Variants in SPOPL observed in about 807,000 individuals in gnomAD.
SPOPL encodes the protein speckle-type POZ protein-like.
Under a neutral mutation model 53.8 loss-of-function variants are expected in SPOPL, and 23 were observed. The observed-to-expected ratio is 0.43, with a 90% CI of 0.31 to 0.61. The LOEUF (loss-of-function observed/expected upper bound fraction) is 0.61. Ranked by LOEUF, SPOPL falls within the 20% of genes least tolerant of loss-of-function variation. The pLI is 0.12. For synonymous variants in SPOPL, 164 were observed against 149.7 expected (o/e 1.10, Z -0.70); for missense variants, 442 against 466.9 (o/e 0.95, Z 0.49).
At chr2:138,505,360 A>T (rs1684192300) in intron 1 of SPOPL, among the ~76,000 whole-genome samples, 1 of 152,148 alleles carries the variant, frequency 6.6e-6, no homozygotes, top group African/African-American at 2.4e-5. Context: ...ACTTAACAAA[A>T]GTTTATTAAC....
intron 1 of SPOPL, among the ~76,000 whole-genome samples, chr2:138,520,866 C>CACAGTTAGCA (rs1352223009): frequency 6.6e-6 from 1 of 152,130 alleles, no homozygotes; most frequent in East Asian, 1.9e-4. Flanking sequence ...GTGATGCTAA[C>CACAGTTAGCA]TGAATAAAGT....
chr2:138,567,181 G>C (rs1685678547), intron 10 of SPOPL, among the ~76,000 whole-genome samples: 1 of 152,252 alleles, frequency 6.6e-6, no homozygotes, highest in East Asian at 1.9e-4. Context: ...CGTGATGATA[G>C]GGAATATGTA....
chr2:138,551,187 C>A, intron 4 of SPOPL, 133 bp downstream of exon 4: 1 of 967,306 alleles, frequency 1.0e-6, no homozygotes, highest in Non-Finnish European at 1.5e-6. Flanking sequence ...TTAATTTGAC[C>A]ATTATTTAAA....
rs752601589 is a variant in SPOPL at position 138,569,020 on chromosome 2, A to T, written c.1119A>T (p.Ala373=). The change falls in exon 11 of 11, where the codon GCA becomes GCT. Residue 373 remains alanine, a synonymous_variant. Transcript: ENST00000280098. The stretch of plus-strand genomic sequence containing the variant: ...ATTTAGTAGCAGAAGCCTTTCGAGC[A>T]CTAGCATCTGCACAGTGTCCACAGT... The part of the protein sequence containing the change: ...HPHLVAEAFR[A]LASAQCPQFG... 12 of 1,614,100 alleles carry T rather than the reference A, an allele frequency of 7.4e-6. No individual in the cohort carries two copies. The highest frequency in any genetic ancestry group is 1.0e-5 in the Non-Finnish European group (12 of 1,179,948).
At chr2:138,568,017 A>C (rs1174185483) in intron 10 of SPOPL, among the ~76,000 whole-genome samples, 3 of 152,158 alleles carry the variant, frequency 2.0e-5, no homozygotes, top group African/African-American at 7.2e-5. Flanking sequence ...TAAGAAACCA[A>C]ACATAATATG....
chr2:138,573,479 A>G lies in SPOPL; in HGVS notation c.*4399A>G, dbSNP rs1185882630. The G allele has an allele frequency of 6.6e-6, 1 of 152,216 alleles. No homozygotes were observed. The highest frequency in any genetic ancestry group is 1.5e-5 in the Non-Finnish European group (1 of 68,028). The allele number at this position is 152,216 out of a possible 1,614,324, so 9.4% of individuals were successfully genotyped here. A position where few individuals can be genotyped will look rare whatever the true frequency, so the allele number is the denominator to read the frequency against. On this transcript the variant is annotated 3_prime_UTR_variant, in exon 11 of 11. Transcript: ENST00000280098. ...ATGACTTATTCTAATGCTACGTACC[A>G]TTAATGTAACAGAGATCACCTTTTC... is the stretch of plus-strand genomic sequence containing the variant.
At chr2:138,508,105 C>T (rs985131036) in intron 1 of SPOPL, among the ~76,000 whole-genome samples, 9 of 152,018 alleles carry the variant, frequency 5.9e-5, no homozygotes. Context: ...ACAGCCATCC[C>T]CTGATAGCTT....
chr2:138,546,565 G>C (rs1021272040), intron 1 of SPOPL, among the ~76,000 whole-genome samples: 1 of 152,054 alleles, frequency 6.6e-6, no homozygotes, highest in Non-Finnish European at 1.5e-5. Flanking sequence ...GTGTAAATTT[G>C]GACAGTTATT....
At chr2:138,563,333 T>G (rs754613429) in intron 8 of SPOPL, among the ~76,000 whole-genome samples, 3 of 152,060 alleles carry the variant, frequency 2.0e-5, no homozygotes, top group Non-Finnish European at 2.9e-5. Context: ...ATTTTTTTAA[T>G]TAGCCTGGTG....
chr2:138,515,076 A>T (rs1331480494), intron 1 of SPOPL, among the ~76,000 whole-genome samples: 1 of 152,202 alleles, frequency 6.6e-6, no homozygotes, highest in Non-Finnish European at 1.5e-5. Flanking sequence ...CCAGTTGGTA[A>T]GATGCAGAAT....
At chr2:138,524,636 A>T (rs887749810) in intron 1 of SPOPL, among the ~76,000 whole-genome samples, 9 of 152,172 alleles carry the variant, frequency 5.9e-5, no homozygotes, top group Admixed American at 1.3e-4. Context: ...AGATACCCTA[A>T]GTCATCTCTC....
At chr2:138,513,907 T>C (rs574128158) in intron 1 of SPOPL, among the ~76,000 whole-genome samples, 2 of 152,306 alleles carry the variant, frequency 1.3e-5, no homozygotes, top group South Asian at 4.1e-4. Flanking sequence ...GGGAGCAGGA[T>C]TTTATTATAC....
intron 10 of SPOPL, among the ~76,000 whole-genome samples, chr2:138,566,814 C>A (rs1378548952): frequency 6.6e-6 from 1 of 152,058 alleles, no homozygotes; most frequent in Non-Finnish European, 1.5e-5. Context: ...TATATCATTT[C>A]ATTATAATAT....
At position 138,571,789 on chromosome 2, in the gene SPOPL, A is replaced by G. The variant is rs898415250; in HGVS notation, c.*2709A>G. The stretch of plus-strand genomic sequence containing the variant: ...TGAATGGTTTCAAATGTTGCATACT[A>G]TAAGAATAATCATTGGGTAACTGTT... On this transcript the variant is annotated 3_prime_UTR_variant, in exon 11 of 11. Transcript: ENST00000280098. The G allele has an allele frequency of 5.2e-5, 8 of 152,622 alleles. No homozygotes were observed. The highest frequency in any genetic ancestry group is 1.7e-4 in the African/African-American group (7 of 41,454). The allele number at this position is 152,622 out of a possible 1,614,324, so 9.5% of individuals were successfully genotyped here. A position where few individuals can be genotyped will look rare whatever the true frequency, so the allele number is the denominator to read the frequency against.
intron 8 of SPOPL, among the ~76,000 whole-genome samples, chr2:138,563,973 ATAAT>A (rs1365385234): frequency 2.6e-5 from 4 of 152,216 alleles, no homozygotes; most frequent in African/African-American, 9.7e-5. Context: ...GATTCTCAAA[ATAAT>A]TATACTGAAT....
Position 138,571,017 on chromosome 2 carries a change from A to G in SPOPL, c.*1937A>G, listed in dbSNP as rs1376110756. 6.6e-6 allele frequency: 1 copy of G among 152,198 alleles called. No individual in the cohort carries two copies. The highest frequency in any genetic ancestry group is 1.5e-5 in the Non-Finnish European group (1 of 68,028). The allele number at this position is 152,198 out of a possible 1,614,324, so 9.4% of individuals were successfully genotyped here. A position where few individuals can be genotyped will look rare whatever the true frequency, so the allele number is the denominator to read the frequency against. ...GGAACTTCATACTTCATCCTGTGTA[A>G]GAGTATTATGGGAAGTAGAAATTCA... On this transcript the variant is annotated 3_prime_UTR_variant, in exon 11 of 11. Transcript: ENST00000280098.
At chr2:138,506,613 C>G (rs1020218548) in intron 1 of SPOPL, among the ~76,000 whole-genome samples, 2 of 151,898 alleles carry the variant, frequency 1.3e-5, no homozygotes, top group Non-Finnish European at 2.9e-5. Context: ...AGTTCTTGTG[C>G]CTAAGGTGAG....
chr2:138,502,709 A>G (rs541843439), intron 1 of SPOPL, among the ~76,000 whole-genome samples: 1 of 152,148 alleles, frequency 6.6e-6, no homozygotes, highest in Non-Finnish European at 1.5e-5. Flanking sequence ...CTTATACCAG[A>G]GTACATCAAG....
At position 138,570,710 on chromosome 2, in the gene SPOPL, A is replaced by G. The variant is rs550437105; in HGVS notation, c.*1630A>G. ...TTAATGTTTGAATTCAGGACAAAAG[A>G]AAAAATGAAGCTTGAGGTGTTTTCA... On this transcript the variant is annotated 3_prime_UTR_variant, in exon 11 of 11. Coordinates refer to ENST00000280098, the MANE Select transcript of SPOPL (RefSeq NM_001001664.3). 1 of 152,186 alleles carries G rather than the reference A, an allele frequency of 6.6e-6. No homozygotes were observed. The highest frequency in any genetic ancestry group is 1.5e-5 in the Non-Finnish European group (1 of 68,022). The allele number at this position is 152,186 out of a possible 1,614,324, so 9.4% of individuals were successfully genotyped here. A position where few individuals can be genotyped will look rare whatever the true frequency, so the allele number is the denominator to read the frequency against.
Sources: allele counts gnomAD v4.1 joint callset (sites outside exome capture counted in the v4.1 genomes callset), GRCh38; gene constraint gnomAD v4.1.1; transcripts MANE v1.5; gene names NCBI Gene and HGNC (gene_info 2026-07-23, HGNC 2026-07-21).